NCAM2: variants seen among roughly 807,000 people sequenced by gnomAD.
The protein encoded by NCAM2 is N-CAM-2.
A neutral mutation model predicts 98.1 loss-of-function variants in NCAM2; 30 were observed. The ratio of observed to expected loss-of-function variants is 0.31; its 90% confidence interval spans 0.23 to 0.41. NCAM2 has a LOEUF of 0.41. NCAM2 is among the 10% of genes least tolerant of loss of function. The pLI, the probability that NCAM2 is intolerant of heterozygous loss-of-function variation, is 1.00. For missense variants in NCAM2, 867 were observed against 1,005.8 expected, an observed-to-expected ratio of 0.86 and a Z score of 1.87; for synonymous variants, 368 against 342.4, an observed-to-expected ratio of 1.07 and a Z score of -0.83.
chr21:21,028,128 G>T (rs1278008180), intron 1 of NCAM2, among the ~76,000 whole-genome samples: 2 of 152,144 alleles, frequency 1.3e-5, no homozygotes. Flanking sequence ...CTCCCAAACT[G>T]CTGGGATTAC....
rs371659308 is a variant in NCAM2 at position 21,202,323 on chromosome 21, A to C, written c.56-78255A>C. ...TAAAGCACCTAAAATAGTGCCTGGCACCAAATAAATGCTCAATAAATGTGA... is the reference window on the plus strand; with the variant it reads ...TAAAGCACCTAAAATAGTGCCTGGCCCCAAATAAATGCTCAATAAATGTGA... On this transcript the variant is annotated intron_variant, in intron 1 of 17. Coordinates refer to ENST00000400546, the MANE Select transcript of NCAM2 (RefSeq NM_004540.5). Among the ~76,000 whole-genome samples the C allele has an allele frequency of 9.2e-5, 14 of 152,110 alleles. No individual in the cohort carries two copies. In the East Asian group the frequency reaches 2.5e-3, roughly 27 times the overall value.
chr21:21,178,928 A>G (rs1225321536), intron 1 of NCAM2, among the ~76,000 whole-genome samples: 1 of 152,072 alleles, frequency 6.6e-6, no homozygotes, highest in East Asian at 1.9e-4. Context: ...AAATTTTCTC[A>G]CAAAGGTGGT....
In NCAM2 at chr21:21,175,535, A is replaced by G. The variant is rs151297609; in HGVS notation, c.56-105043A>G. 3.0e-3 allele frequency among the ~76,000 whole-genome samples: 455 copies of G among 151,578 alleles called. 3 individuals are homozygous for G. Among genetic ancestry groups the G allele is most frequent in the African/African-American group, 0.011 (444 of 41,446 alleles). Reference sequence around the variant, plus strand: ...GCTACAGAGCGAGACTCCGTCTCAAAAAAAATAAAAAAAAATAAAATAATA... The same window carrying G: ...GCTACAGAGCGAGACTCCGTCTCAAGAAAAATAAAAAAAAATAAAATAATA... On this transcript the variant is annotated intron_variant, in intron 1 of 17. Coordinates refer to ENST00000400546, the MANE Select transcript of NCAM2 (RefSeq NM_004540.5).
At chr21:21,164,570 TTTTG>T (rs2067891250) in intron 1 of NCAM2, among the ~76,000 whole-genome samples, 1 of 152,228 alleles carries the variant, frequency 6.6e-6, no homozygotes, top group Non-Finnish European at 1.5e-5. Flanking sequence ...TTCACAACTT[TTTTG>T]TTTCTCTACA....
intron 16 of NCAM2, among the ~76,000 whole-genome samples, chr21:21,521,718 A>T (rs1043335509): frequency 6.6e-6 from 1 of 152,104 alleles, no homozygotes; most frequent in Non-Finnish European, 1.5e-5. Context: ...TAAGAAAAAA[A>T]AAGACTCAAA....
chr21:21,289,307 C>T lies in NCAM2; in HGVS notation c.482-2797C>T, dbSNP rs540408080. ...ATGGTAAGCAAGATAAGTTCACTGC[C>T]TTCAAAATACTAAGAATCTAGAGGG... On this transcript the variant is annotated intron_variant, in intron 4 of 17. Transcript: ENST00000400546. Among the ~76,000 whole-genome samples the T allele has an allele frequency of 3.3e-3, 509 of 151,966 alleles. 2 individuals are homozygous for T. Among genetic ancestry groups the T allele is most frequent in the Non-Finnish European group, 5.7e-3 (384 of 67,926 alleles).
At chr21:21,096,750 G>T (rs7280224) in intron 1 of NCAM2, among the ~76,000 whole-genome samples, 51,067 of 151,068 alleles carry the variant, frequency 0.34, 11,677 homozygotes, top group African/African-American at 0.65. Context: ...TAATGTTTTT[G>T]TGTGTGTGTG....
chr21:21,303,125 G>A (rs1601917226), intron 5 of NCAM2, among the ~76,000 whole-genome samples: 1 of 151,932 alleles, frequency 6.6e-6, no homozygotes, highest in South Asian at 2.1e-4. Flanking sequence ...GGGAGGCGTG[G>A]GCTGAAGAAC....
chr21:21,050,772 C>T (rs572141621), intron 1 of NCAM2, among the ~76,000 whole-genome samples: 5 of 152,214 alleles, frequency 3.3e-5, no homozygotes, highest in East Asian at 3.9e-4. Context: ...TATACGCCTG[C>T]GTGATTATAA....
intron 1 of NCAM2, among the ~76,000 whole-genome samples, chr21:21,145,106 A>AT (rs1317492241): frequency 6.6e-6 from 1 of 151,976 alleles, no homozygotes; most frequent in African/African-American, 2.4e-5. Flanking sequence ...AAAGCATTTT[A>AT]TTTTTTTGAT....
At chr21:21,185,046 A>T (rs1326614919) in intron 1 of NCAM2, among the ~76,000 whole-genome samples, 1 of 152,160 alleles carries the variant, frequency 6.6e-6, no homozygotes, top group Non-Finnish European at 1.5e-5. Context: ...TAATGTGCAT[A>T]TGCAAAATAA....
At chr21:21,318,046 A>C in intron 5 of NCAM2, among the ~76,000 whole-genome samples, 1 of 152,218 alleles carries the variant, frequency 6.6e-6, no homozygotes, top group Non-Finnish European at 1.5e-5. Flanking sequence ...ACAATCCAAT[A>C]GCTGACTTTC....
intron 1 of NCAM2, among the ~76,000 whole-genome samples, chr21:21,164,017 G>T (rs560022815): frequency 2.0e-5 from 3 of 152,108 alleles, no homozygotes; most frequent in Non-Finnish European, 2.9e-5. Flanking sequence ...ATCACTGCAA[G>T]TGTACTTGGA....
chr21:21,224,577 A>C (rs978495399), intron 1 of NCAM2, among the ~76,000 whole-genome samples: 2 of 152,154 alleles, frequency 1.3e-5, no homozygotes, highest in Non-Finnish European at 2.9e-5. Flanking sequence ...ATTTCACACA[A>C]CAGTCCTCAT....
chr21:21,018,154 A>G (rs539487715), intron 1 of NCAM2, among the ~76,000 whole-genome samples: 4 of 152,358 alleles, frequency 2.6e-5, no homozygotes, highest in African/African-American at 9.6e-5. Flanking sequence ...TAATTTCTCA[A>G]GACTACAAAA....
intron 1 of NCAM2, among the ~76,000 whole-genome samples, chr21:21,126,236 TA>T (rs778070776): frequency 0.029 from 2,829 of 97,534 alleles, 123 homozygotes; most frequent in African/African-American, 0.094. Context: ...TCATGGAACA[TA>T]AAAAAAAAAA....
At chr21:21,208,976 T>C (rs2069544698) in intron 1 of NCAM2, among the ~76,000 whole-genome samples, 1 of 152,220 alleles carries the variant, frequency 6.6e-6, no homozygotes. Context: ...ATCATTTTTT[T>C]TTAACCTGGA....
intron 15 of NCAM2, among the ~76,000 whole-genome samples, chr21:21,504,323 A>G (rs1987832585): frequency 6.6e-6 from 1 of 151,946 alleles, no homozygotes; most frequent in Non-Finnish European, 1.5e-5. Flanking sequence ...CCTACCTTAT[A>G]AAGTTACCAT....
At chr21:21,343,464 A>T (rs1206076389) in intron 8 of NCAM2, among the ~76,000 whole-genome samples, 1 of 152,056 alleles carries the variant, frequency 6.6e-6, no homozygotes, top group African/African-American at 2.4e-5. Flanking sequence ...TTGCTGAAAG[A>T]GTCACTGAAG....
Sources: allele counts gnomAD v4.1 joint callset (sites outside exome capture counted in the v4.1 genomes callset), GRCh38; gene constraint gnomAD v4.1.1; transcripts MANE v1.5; gene names NCBI Gene and HGNC (gene_info 2026-07-23, HGNC 2026-07-21).